RIPK3: variants seen among roughly 807,000 people sequenced by gnomAD.
RIPK3 encodes receptor-interacting serine/threonine-protein kinase 3.
RIPK3 carries 51 observed loss-of-function variants against 51.6 expected under a neutral mutation model. That is an observed-to-expected ratio of 0.99 (90% CI 0.79 to 1.25). RIPK3 has a LOEUF of 1.25. RIPK3 is among the 50% of genes most tolerant of loss of function. The pLI is 0.00. For missense variants in RIPK3, 654 were observed against 650.4 expected, an observed-to-expected ratio of 1.01 and a Z score of -0.06; for synonymous variants, 246 against 257.7, an observed-to-expected ratio of 0.95 and a Z score of 0.44.
chr14:24,338,706 G>T, intron 3 of RIPK3, 139 bp from the exon 4 acceptor site: 2 of 1,180,880 alleles, frequency 1.7e-6, no homozygotes, highest in Non-Finnish European at 2.4e-6. Flanking sequence ...TCCCTTGGAT[G>T]GTAGATCTAG....
Position 24,337,219 on chromosome 14 carries a change from T to C in RIPK3, c.1142A>G (p.Gln381Arg), listed in dbSNP as rs2042145925. The change falls in exon 8 of 10, where the codon CAA (glutamine) becomes CGA (arginine). Residue 381 changes from glutamine to arginine, a missense_variant. Transcript: ENST00000216274. ...RSRAQEEQVP[Q>R]AWTAGTSSDS... ...TGAAGATGTGCCTGCTGTCCAGGCTTGTGGAACCTGCTCCTCTTGTGCCCT... is the reference window on the plus strand; with the variant it reads ...TGAAGATGTGCCTGCTGTCCAGGCTCGTGGAACCTGCTCCTCTTGTGCCCT... The C allele has an allele frequency of 1.9e-6, 3 of 1,613,982 alleles. No individual in the cohort carries two copies. Among genetic ancestry groups the C allele is most frequent in the Non-Finnish European group, 2.5e-6 (3 of 1,180,022 alleles).
In RIPK3 at chr14:24,337,127, T is replaced by G; in HGVS notation, c.1234A>C (p.Thr412Pro). Residue 412 changes from threonine to proline, a missense_variant, in exon 8 of 10, where the codon ACC becomes CCC. Thr to Pro is a conservative substitution (Grantham distance 38, BLOSUM62 -1). Coordinates refer to ENST00000216274, the MANE Select transcript of RIPK3 (RefSeq NM_006871.4). ...CCAGGACTTGGTGTTCCAGTTGAGG[T>G]AGGGCTGGGCATCTGGTTTCTGAAA... is the stretch of plus-strand genomic sequence containing the variant. ...STFRNQMPSP[T>P]STGTPSPGPR... The G allele has an allele frequency of 6.2e-7, 1 of 1,610,852 alleles. No homozygotes were observed. The highest frequency in any genetic ancestry group is 8.5e-7 in the Non-Finnish European group (1 of 1,180,012).
At position 24,336,132 on chromosome 14, in the gene RIPK3, C is replaced by T; in HGVS notation, c.*43G>A. On this transcript the variant is annotated 3_prime_UTR_variant, in exon 10 of 10. Coordinates refer to ENST00000216274, the MANE Select transcript of RIPK3 (RefSeq NM_006871.4). ...GTCAGGGGCCTCAAGGGGTGGCACT[C>T]TTCCTTAACTCGTAACTCTTGGAGG... is the stretch of plus-strand genomic sequence containing the variant. 2 of 1,587,050 alleles carry T rather than the reference C, an allele frequency of 1.3e-6. No individual in the cohort carries two copies. Among genetic ancestry groups the T allele is most frequent in the Non-Finnish European group, 1.7e-6 (2 of 1,164,682 alleles).
chr14:24,339,635 T>C lies in RIPK3; in HGVS notation c.21-38A>G. The C allele has an allele frequency of 2.5e-6, 4 of 1,612,644 alleles. No individual in the cohort carries two copies. Among genetic ancestry groups the C allele is most frequent in the Non-Finnish European group, 3.4e-6 (4 of 1,179,212 alleles). The stretch of plus-strand genomic sequence containing the variant: ...TGTCGCCCACTAGCCGGCCGTGCCG[T>C]GCCTCAGCGCTGCTCCCCGCGCCCC... On this transcript the variant is annotated intron_variant, in intron 1 of 9. Coordinates refer to ENST00000216274, the MANE Select transcript of RIPK3 (RefSeq NM_006871.4). The surrounding 1 kb of genome is among the most constrained non-coding windows in gnomAD (Gnocchi z 4.0).
chr14:24,339,874 G>A lies in RIPK3; in HGVS notation c.-48C>T. On this transcript the variant is annotated 5_prime_UTR_variant, in exon 1 of 10. Coordinates refer to ENST00000216274, the MANE Select transcript of RIPK3 (RefSeq NM_006871.4). This position sits in a 1 kb window ranked among gnomAD's most constrained non-coding sequence, Gnocchi z 4.0. ...CCTCTGGAAATTGCGAGCCGTAGGA[G>A]ATGGAGTGACTTCTGGGGCTTGGTC... 4 of 1,538,704 alleles carry A rather than the reference G, an allele frequency of 2.6e-6. No homozygotes were observed. Among genetic ancestry groups the A allele is most frequent in the Non-Finnish European group, 3.5e-6 (4 of 1,146,916 alleles).
chr14:24,337,394 C>A lies in RIPK3; in HGVS notation c.967G>T (p.Gly323Ter), dbSNP rs575625538. Reference protein sequence around the residue: ...RRFSIPESGQGGTEMDGFRRT... With the variant: ...RRFSIPESGQ ...CTAAAGCCATCCATTTCTGTCCCTC[C>A]TTGGCCTGACTCTGGGATAGAAAAT... The change falls in exon 8 of 10, where the codon GGA becomes TGA. Residue 323 changes from glycine (G) to a stop codon, truncating the protein, a stop_gained. Transcript: ENST00000216274. LOFTEE classifies it high-confidence loss of function. 2 of 1,613,952 alleles carry A rather than the reference C, an allele frequency of 1.2e-6. No individual in the cohort carries two copies. The highest frequency in any genetic ancestry group is 4.5e-5 in the East Asian group (2 of 44,890).
chr14:24,338,873 T>C (rs2042160991), intron 3 of RIPK3, 142 bp downstream of exon 3: 3 of 741,572 alleles, frequency 4.0e-6, no homozygotes, highest in South Asian at 3.6e-5. Flanking sequence ...GGCTGGGCTT[T>C]GTCCCCTGGC....
Position 24,338,289 on chromosome 14 carries a change from C to T in RIPK3, c.624G>A (p.Gly208=), listed in dbSNP as rs1346517618. ...ASTASDVYSF[G]ILMWAVLAGR... ...CAGCAAGCACTGCCCACATTAGGAT[C>T]CCGAAGCTGCAGGAGACACAAAGCT... Residue 208 remains glycine, a synonymous_variant, in exon 5 of 10, where the codon GGG becomes GGA. Coordinates refer to ENST00000216274, the MANE Select transcript of RIPK3 (RefSeq NM_006871.4). The T allele has an allele frequency of 4.6e-6, 7 of 1,524,648 alleles. No homozygotes were observed. The South Asian group carries it at 6.5e-5, about 14-fold the overall frequency. The allele number at this position is 1,524,648 out of a possible 1,614,324, so 94.4% of individuals were successfully genotyped here. A position where few individuals can be genotyped will look rare whatever the true frequency, so the allele number is the denominator to read the frequency against.
Position 24,339,004 on chromosome 14 carries a change from G to A in RIPK3, c.471+11C>T, listed in dbSNP as rs745789520. On this transcript the variant is annotated intron_variant, in intron 3 of 9. Coordinates refer to ENST00000216274, the MANE Select transcript of RIPK3 (RefSeq NM_006871.4). The surrounding 1 kb of genome is among the most constrained non-coding windows in gnomAD (Gnocchi z 4.0). Reference sequence around the variant, plus strand: ...TTGTCTTGAGGCTGAGAGGGGTGTAGACCAGCTGACCTTGACGTGCAGCTC... The same window carrying A: ...TTGTCTTGAGGCTGAGAGGGGTGTAAACCAGCTGACCTTGACGTGCAGCTC... The A allele has an allele frequency of 1.9e-6, 3 of 1,607,234 alleles. No homozygotes were observed. The highest frequency in any genetic ancestry group is 3.3e-4 in the Middle Eastern group (2 of 6,050).
Position 24,339,730 on chromosome 14 carries a change from C to G in RIPK3, c.20+77G>C. ...CCCCCACCGTCCCCGGACTCAAAGA[C>G]GTTCTCTGAGCGAGTCTGTGGGGCT... On this transcript the variant is annotated intron_variant, in intron 1 of 9. Transcript: ENST00000216274. This position sits in a 1 kb window ranked among gnomAD's most constrained non-coding sequence, Gnocchi z 4.0. The G allele has an allele frequency of 6.4e-7, 1 of 1,569,452 alleles. No individual in the cohort carries two copies. Among genetic ancestry groups the G allele is most frequent in the South Asian group, 1.2e-5 (1 of 84,356 alleles).
chr14:24,336,450 T>G, intron 9 of RIPK3, 55 bp from the exon 10 acceptor site: 1 of 1,584,066 alleles, frequency 6.3e-7, no homozygotes, highest in Non-Finnish European at 8.6e-7. Flanking sequence ...AAAGGCCAAG[T>G]TGGGGGTGGG....
chr14:24,336,860 A>G, intron 9 of RIPK3, 25 bp downstream of exon 9: 1 of 1,595,010 alleles, frequency 6.3e-7, no homozygotes, highest in Non-Finnish European at 8.6e-7. Context: ...TGAACAGGGA[A>G]AAGAAAGAGG....
At chr14:24,338,737 G>A (rs1436134029) in intron 3 of RIPK3, 170 bp from the exon 4 acceptor site, 10 of 959,818 alleles carry the variant, frequency 1.0e-5, no homozygotes, top group Admixed American at 2.9e-5. Context: ...GTAGGGCTAG[G>A]TCAAGGTCTG....
rs756388466 is a variant in RIPK3 at position 24,337,921 on chromosome 14, T to C, written c.784A>G (p.Met262Val). Reference sequence around the variant, plus strand: ...GGCTCACTGCTCCAGCAGAGCTGCATTAGCTCCTTCAGTCCTTCTAAGCCG... The same window carrying C: ...GGCTCACTGCTCCAGCAGAGCTGCACTAGCTCCTTCAGTCCTTCTAAGCCG... The part of the protein sequence containing the change: ...TPGLEGLKEL[M>V]QLCWSSEPKD... The change falls in exon 6 of 10, where the codon ATG becomes GTG. Residue 262 changes from methionine to valine, a missense_variant. Coordinates refer to ENST00000216274, the MANE Select transcript of RIPK3 (RefSeq NM_006871.4). 5.0e-6 allele frequency: 8 copies of C among 1,614,204 alleles called. No homozygotes were observed. The South Asian group carries it at 8.8e-5, about 18-fold the overall frequency.
chr14:24,338,699 C>G, intron 3 of RIPK3, 132 bp from the exon 4 acceptor site: 1 of 1,299,226 alleles, frequency 7.7e-7, no homozygotes, highest in East Asian at 2.4e-5. Context: ...AAGAGGTTCC[C>G]TTGGATGGTA....
rs759787343 is a variant in RIPK3 at position 24,338,478 on chromosome 14, G to A, written c.561C>T (p.Ala187=). 1 of 1,613,928 alleles carries A rather than the reference G, an allele frequency of 6.2e-7. No homozygotes were observed. The highest frequency in any genetic ancestry group is 2.2e-5 in the East Asian group (1 of 44,876). ...GGTTTACGTTAACAAACAGTTCTGG[G>A]GCCAAGTAGCCCAGGGTGCCCCCTG... ...GEPGGTLGYL[A]PELFVNVNRK... The change falls in exon 4 of 10, where the codon GCC becomes GCT. Residue 187 remains alanine, a synonymous_variant. Coordinates refer to ENST00000216274, the MANE Select transcript of RIPK3 (RefSeq NM_006871.4).
rs951269665 is a variant in RIPK3, at chr14:24,337,368, C to T, written c.993G>A (p.Arg331=). Residue 331 remains arginine, a synonymous_variant, in exon 8 of 10, where the codon AGG becomes AGA. Transcript: ENST00000216274. ...GQGGTEMDGF[R]RTIENQHSRN... ...GAGAGTGCTGGTTTTCTATGGTTCTCCTAAAGCCATCCATTTCTGTCCCTC... is the reference window on the plus strand; with the variant it reads ...GAGAGTGCTGGTTTTCTATGGTTCTTCTAAAGCCATCCATTTCTGTCCCTC... The T allele has an allele frequency of 1.9e-6, 3 of 1,613,954 alleles. No individual in the cohort carries two copies. The highest frequency in any genetic ancestry group is 2.5e-6 in the Non-Finnish European group (3 of 1,180,046).
intron 9 of RIPK3, 51 bp downstream of exon 9, chr14:24,336,834 A>C: frequency 6.8e-7 from 1 of 1,460,428 alleles, no homozygotes. Context: ...CTGGAGGAGG[A>C]GTCTGGTGGA....
intron 9 of RIPK3, 174 bp from the exon 10 acceptor site, chr14:24,336,569 G>A: frequency 6.3e-6 from 6 of 949,288 alleles, no homozygotes; most frequent in South Asian, 5.2e-5. Flanking sequence ...CTAGAGAGTG[G>A]CAATTGACAT....
Sources: gnomAD v4.1 joint callset for allele counts on GRCh38, gnomAD v4.1.1 for gene constraint, Gnocchi (gnomAD v3.1) non-coding constraint, MANE v1.5 for transcripts, NCBI Gene and HGNC (gene_info 2026-07-23, HGNC 2026-07-21) for gene names.